Variants in ECH1 observed in about 807,000 individuals in gnomAD.
ECH1 encodes the protein delta(3,5)-Delta(2,4)-dienoyl-CoA isomerase, mitochondrial.
A neutral mutation model predicts 37.0 loss-of-function variants in ECH1; 30 were observed. That is an observed-to-expected ratio of 0.81 (90% CI 0.61 to 1.10). ECH1 has a LOEUF of 1.10. ECH1 is among the 50% of genes least tolerant of loss of function. The probability of loss-of-function intolerance (pLI) is 0.00; values close to 1 mark genes in which losing one functional copy is unlikely to be tolerated. For missense variants in ECH1, 456 were observed against 441.6 expected, an observed-to-expected ratio of 1.03 and a Z score of -0.29; for synonymous variants, 178 against 176.0, an observed-to-expected ratio of 1.01 and a Z score of -0.09.
At chr19:38,821,622 G>A (rs999787508) in intron 3 of ECH1, among the ~76,000 whole-genome samples, 6 of 152,234 alleles carry the variant, frequency 3.9e-5, no homozygotes, top group Non-Finnish European at 5.9e-5. Flanking sequence ...CCTGAGCAGT[G>A]AGGGGCTTAG....
intron 3 of ECH1, chr19:38,818,400 T>C (rs1445337796): frequency 5.1e-6 from 5 of 985,270 alleles, no homozygotes; most frequent in African/African-American, 1.7e-5. Flanking sequence ...CTGCTCTCCC[T>C]GTTTCCACCT....
At chr19:38,821,406 A>G (rs1186574777) in intron 3 of ECH1, among the ~76,000 whole-genome samples, 1 of 152,202 alleles carries the variant, frequency 6.6e-6, no homozygotes, top group Non-Finnish European at 1.5e-5. Context: ...ATGCTTGAGG[A>G]GCCCTTCAGC....
At chr19:38,824,552 A>G (rs908240852) in intron 3 of ECH1, among the ~76,000 whole-genome samples, 1 of 152,104 alleles carries the variant, frequency 6.6e-6, no homozygotes, top group African/African-American at 2.4e-5. Flanking sequence ...TTTCTGCACT[A>G]TGGCCTGGCC....
intron 3 of ECH1, among the ~76,000 whole-genome samples, chr19:38,822,469 T>C (rs1971677660): frequency 6.6e-6 from 1 of 151,906 alleles, no homozygotes; most frequent in Non-Finnish European, 1.5e-5. Context: ...AATGCACCAA[T>C]CAGCACTCTG....
At position 38,831,156 on chromosome 19, in the gene ECH1, C is replaced by T; in HGVS notation, c.271G>A (p.Glu91Lys). ...MNKVFWREMV[E>K]CFNKISRDAD... ...TCTCTCGAAATCTTGTTGAAGCACT[C>T]TACCATCTCTCTGTGAAGCAACGAG... Residue 91 changes from glutamate to lysine, a missense_variant, in exon 3 of 10, where the codon GAG (glutamate) becomes AAG (lysine). Physicochemically the swap from Glu to Lys is moderately conservative, Grantham distance 56. Coordinates refer to ENST00000221418, the MANE Select transcript of ECH1 (RefSeq NM_001398.3). The T allele has an allele frequency of 1.2e-6, 2 of 1,614,098 alleles. No individual in the cohort carries two copies. The highest frequency in any genetic ancestry group is 1.7e-5 in the Admixed American group (1 of 60,010).
chr19:38,818,352 T>C (rs1446650916), intron 3 of ECH1: 1 of 985,314 alleles, frequency 1.0e-6, no homozygotes, highest in Non-Finnish European at 1.2e-6. Context: ...ATCCTGAATC[T>C]GACCTTTCCT....
At chr19:38,830,564 C>T (rs1398251171) in intron 3 of ECH1, among the ~76,000 whole-genome samples, 1 of 151,106 alleles carries the variant, frequency 6.6e-6, no homozygotes, top group Non-Finnish European at 1.5e-5. Context: ...GTGGGAGAAT[C>T]GCTTGACCTC....
In ECH1 at chr19:38,828,647, G is replaced by A. The variant is rs189007662; in HGVS notation, c.349+2431C>T. On this transcript the variant is annotated intron_variant, in intron 3 of 9. Coordinates refer to ENST00000221418, the MANE Select transcript of ECH1 (RefSeq NM_001398.3). Reference sequence around the variant, plus strand: ...TTATTTTGTTTTTAGAGGGAGTCTCGCTATGTCACCCAGGCTGGAGTGCAG... The same window carrying A: ...TTATTTTGTTTTTAGAGGGAGTCTCACTATGTCACCCAGGCTGGAGTGCAG... 4.2e-3 allele frequency among the ~76,000 whole-genome samples: 622 copies of A among 148,870 alleles called. 5 individuals are homozygous for A. Among genetic ancestry groups the A allele is most frequent in the African/African-American group, 9.8e-3 (396 of 40,498 alleles).
Position 38,815,573 on chromosome 19 carries a change from A to G in ECH1, c.*40T>C. 6.3e-7 allele frequency: 1 copy of G among 1,597,310 alleles called. No homozygotes were observed. The highest frequency in any genetic ancestry group is 8.6e-7 in the Non-Finnish European group (1 of 1,165,878). Reference sequence around the variant, plus strand: ...TCCCTTTCTGTGGATGAGGCGGGACAAGGCCGGCCCCCTGGCTGGGGCCTG... The same window carrying G: ...TCCCTTTCTGTGGATGAGGCGGGACGAGGCCGGCCCCCTGGCTGGGGCCTG... On this transcript the variant is annotated 3_prime_UTR_variant, in exon 10 of 10. Transcript: ENST00000221418.
intron 3 of ECH1, among the ~76,000 whole-genome samples, chr19:38,829,323 TGGTGGCG>T (rs1001561210): frequency 3.4e-5 from 5 of 146,496 alleles, no homozygotes; most frequent in African/African-American, 1.3e-4. Flanking sequence ...TAGCTAGGCC[TGGTGGCG>T]GGCATCTGTA....
intron 6 of ECH1, 114 bp downstream of exon 6, chr19:38,816,951 T>A: frequency 4.1e-6 from 5 of 1,228,396 alleles, no homozygotes; most frequent in Non-Finnish European, 5.8e-6. Context: ...TGGGCAAGTC[T>A]TACTTTGTCG....
chr19:38,820,927 GAA>G (rs1971652175), intron 3 of ECH1, among the ~76,000 whole-genome samples: 1 of 152,194 alleles, frequency 6.6e-6, no homozygotes, highest in Non-Finnish European at 1.5e-5. Context: ...CTGTGTCACT[GAA>G]TGTTTGTCAA....
chr19:38,824,208 T>C (rs1402682303), intron 3 of ECH1, among the ~76,000 whole-genome samples: 7 of 152,168 alleles, frequency 4.6e-5, no homozygotes, highest in African/African-American at 1.7e-4. Context: ...AAAGTCCCAA[T>C]ACTAACAGGA....
In ECH1 at chr19:38,817,421, GA is replaced by G; in HGVS notation, c.474+29del. 3.1e-6 allele frequency: 5 copies of G among 1,611,840 alleles called. No individual in the cohort carries two copies. The South Asian group carries it at 4.4e-5, about 14-fold the overall frequency. Reference sequence around the variant, plus strand: ...CTGGCCCAGGGGAGGCGCGTATGGAGAAAGATCCCCTCCAGACCCCTAGAGT... The same window carrying G: ...CTGGCCCAGGGGAGGCGCGTATGGAGAAGATCCCCTCCAGACCCCTAGAGT... On this transcript the variant is annotated intron_variant, in intron 4 of 9. Transcript: ENST00000221418.
chr19:38,816,111 C>A (rs1344550701), intron 8 of ECH1, 104 bp from the exon 9 acceptor site: 1 of 1,531,422 alleles, frequency 6.5e-7, no homozygotes, highest in South Asian at 1.2e-5. Flanking sequence ...CCCAAGACCC[C>A]AGAGAAACAG....
At position 38,815,607 on chromosome 19, in the gene ECH1, G is replaced by C. The variant is rs762465287; in HGVS notation, c.*6C>G. ...CCCCTGGCTGGGGCCTGGGACGCGA[G>C]GGCTCTCAGAGCTTGGAGAAGGTGA... is the stretch of plus-strand genomic sequence containing the variant. On this transcript the variant is annotated 3_prime_UTR_variant, in exon 10 of 10. Coordinates refer to ENST00000221418, the MANE Select transcript of ECH1 (RefSeq NM_001398.3). 16 of 1,613,994 alleles carry C rather than the reference G, an allele frequency of 9.9e-6. No homozygotes were observed. The highest frequency in any genetic ancestry group is 1.6e-4 in the Middle Eastern group (1 of 6,084).
intron 7 of ECH1, 41 bp from the exon 8 acceptor site, chr19:38,816,396 G>A (rs189100558): frequency 4.3e-6 from 7 of 1,613,768 alleles, no homozygotes; most frequent in African/African-American, 1.3e-5. Flanking sequence ...CTGCCACCCC[G>A]GGGCTGGGAG....
intron 3 of ECH1, chr19:38,819,219 T>C (rs778663545): frequency 8.3e-5 from 82 of 985,220 alleles, no homozygotes; most frequent in Non-Finnish European, 9.6e-5. Flanking sequence ...AATCTTCTCA[T>C]TGAGAAGGTG....
intron 3 of ECH1, among the ~76,000 whole-genome samples, chr19:38,822,395 C>G (rs1186201050): frequency 1.3e-5 from 2 of 149,686 alleles, no homozygotes; most frequent in African/African-American, 5.0e-5. Flanking sequence ...AATCAGCACT[C>G]TGTGTCTAGC....
Sources: allele counts gnomAD v4.1 joint callset (sites outside exome capture counted in the v4.1 genomes callset), GRCh38; gene constraint gnomAD v4.1.1; transcripts MANE v1.5; gene names NCBI Gene and HGNC (gene_info 2026-07-23, HGNC 2026-07-21).